FOCAD: variants seen among roughly 807,000 people sequenced by gnomAD.
The protein encoded by FOCAD is KIAA1797.
In FOCAD, 198 loss-of-function variants were observed where a neutral mutation model predicts 225.6. The ratio of observed to expected loss-of-function variants is 0.88; its 90% confidence interval spans 0.78 to 0.99. FOCAD has a LOEUF of 0.99. FOCAD is among the 50% of genes least tolerant of loss of function. The pLI is 0.00. For missense variants in FOCAD, 2,713 were observed against 2,123.6 expected, an observed-to-expected ratio of 1.28 and a Z score of -5.46; for synonymous variants, 897 against 755.0, an observed-to-expected ratio of 1.19 and a Z score of -3.08.
intron 1 of FOCAD, among the ~76,000 whole-genome samples, chr9:20,690,637 C>A (rs1342268441): frequency 6.6e-6 from 1 of 152,150 alleles, no homozygotes. Flanking sequence ...CAGCCTTGAA[C>A]TCCTGGGCTC....
At chr9:20,913,522 G>A (rs1833619973) in intron 23 of FOCAD, among the ~76,000 whole-genome samples, 1 of 152,150 alleles carries the variant, frequency 6.6e-6, no homozygotes, top group South Asian at 2.1e-4. Flanking sequence ...TCAGATTTGT[G>A]TTTCACCAGC....
rs970042431 is a variant in FOCAD at position 20,767,660 on chromosome 9, T to G, written c.700-2372T>G. On this transcript the variant is annotated intron_variant, in intron 7 of 43. Coordinates refer to ENST00000338382, the MANE Select transcript of FOCAD (RefSeq NM_001375567.1). ...GTCTGTTCATGTCCTTCGCCCACTTTTTGATGGGGTTGTTTGTTTTTTTCT... is the reference window on the plus strand; with the variant it reads ...GTCTGTTCATGTCCTTCGCCCACTTGTTGATGGGGTTGTTTGTTTTTTTCT... Among the ~76,000 whole-genome samples, 55 of 143,330 alleles carry G rather than the reference T, an allele frequency of 3.8e-4. 1 individual carries two copies. The highest frequency in any genetic ancestry group is 7.5e-4 in the Non-Finnish European group (48 of 64,092). The allele number at this position is 143,330 out of a possible 152,430, so 94.0% of individuals were successfully genotyped here. A position where few individuals can be genotyped will look rare whatever the true frequency, so the allele number is the denominator to read the frequency against.
At chr9:20,948,164 A>G (rs1837360150) in intron 30 of FOCAD, 107 bp from the exon 31 acceptor site, 9 of 1,074,228 alleles carry the variant, frequency 8.4e-6, no homozygotes, top group East Asian at 2.7e-5. Flanking sequence ...ACAGCTTGTC[A>G]TTAGGAAAGT....
At chr9:20,831,439 G>T (rs956778563) in intron 15 of FOCAD, among the ~76,000 whole-genome samples, 3 of 152,114 alleles carry the variant, frequency 2.0e-5, no homozygotes, top group Non-Finnish European at 4.4e-5. Flanking sequence ...GAGCCAGGCT[G>T]TGCAAGGCTT....
At chr9:20,872,749 G>T in intron 18 of FOCAD, 1 of 151,976 alleles carries the variant, frequency 6.6e-6, no homozygotes, top group East Asian at 1.9e-4. Flanking sequence ...TAATCACAGA[G>T]CAACCACAAT....
intron 16 of FOCAD, 157 bp downstream of exon 16, chr9:20,862,869 C>G: frequency 1.7e-6 from 1 of 581,856 alleles, no homozygotes; most frequent in Non-Finnish European, 2.7e-6. Flanking sequence ...AAGATAGCTC[C>G]TCATCAATCT....
intron 36 of FOCAD, 108 bp downstream of exon 36, chr9:20,976,656 A>G (rs1186670215): frequency 3.3e-6 from 4 of 1,204,822 alleles, no homozygotes; most frequent in African/African-American, 3.0e-5. Flanking sequence ...GACTTTTCAG[A>G]TCTTGAGGTT....
chr9:20,861,084 A>T (rs1470613534), intron 15 of FOCAD, among the ~76,000 whole-genome samples: 1 of 152,032 alleles, frequency 6.6e-6, no homozygotes, highest in East Asian at 1.9e-4. Context: ...TCATCTCTTG[A>T]TACCTTCCCT....
At chr9:20,931,050 C>G (rs1835419117) in intron 27 of FOCAD, among the ~76,000 whole-genome samples, 2 of 152,188 alleles carry the variant, frequency 1.3e-5, no homozygotes, top group Non-Finnish European at 2.9e-5. Flanking sequence ...TCATTTCATC[C>G]TATTCTGGCT....
In FOCAD at chr9:20,815,123, G is replaced by GGTTTTTT. The variant is rs796702774; in HGVS notation, c.1456-4673_1456-4672insGTTTTTT. ...TCTGGAAATATCATTACTTCTCTTT[G>GGTTTTTT]TTTTTTTTTTTTTGTTTTTTTTTTT... is the stretch of plus-strand genomic sequence containing the variant. On this transcript the variant is annotated intron_variant, in intron 11 of 43. Coordinates refer to ENST00000338382, the MANE Select transcript of FOCAD (RefSeq NM_001375567.1). 1.7e-3 allele frequency among the ~76,000 whole-genome samples: 148 copies of GGTTTTTT among 85,356 alleles called. 20 individuals carry two copies. Among genetic ancestry groups the GGTTTTTT allele is most frequent in the African/African-American group, 2.8e-3 (61 of 21,470 alleles). The allele number at this position is 85,356 out of a possible 152,430, so 56.0% of individuals were successfully genotyped here.
chr9:20,866,887 G>GTTTTTTT, intron 17 of FOCAD, 42 bp from the exon 18 acceptor site: 4 of 451,110 alleles, frequency 8.9e-6, no homozygotes, highest in South Asian at 3.3e-5. Context: ...TTGTTTGCTT[G>GTTTTTTT]CTTTTTTTTT....
intron 11 of FOCAD, among the ~76,000 whole-genome samples, chr9:20,817,197 A>G (rs1464129569): frequency 6.6e-6 from 1 of 152,210 alleles, no homozygotes; most frequent in Non-Finnish European, 1.5e-5. Flanking sequence ...AATTTAAAAA[A>G]CCATTAAAAT....
intron 5 of FOCAD, among the ~76,000 whole-genome samples, chr9:20,752,768 A>G (rs1390400519): frequency 1.3e-5 from 2 of 152,146 alleles, no homozygotes; most frequent in Non-Finnish European, 2.9e-5. Flanking sequence ...CATTTTCACG[A>G]TATTGATTCT....
At chr9:20,883,275 C>G (rs909033301) in intron 20 of FOCAD, among the ~76,000 whole-genome samples, 1 of 152,044 alleles carries the variant, frequency 6.6e-6, no homozygotes, top group African/African-American at 2.4e-5. Context: ...ATGAGTAGAA[C>G]TAAAAGAGGA....
intron 38 of FOCAD, 147 bp downstream of exon 38, chr9:20,981,833 GT>G: frequency 1.1e-6 from 1 of 941,222 alleles, no homozygotes; most frequent in Non-Finnish European, 1.6e-6. Flanking sequence ...GAGTGTATTT[GT>G]TTCCAAGATC....
intron 35 of FOCAD, among the ~76,000 whole-genome samples, chr9:20,966,083 C>T (rs922997478): frequency 6.6e-6 from 1 of 151,980 alleles, no homozygotes; most frequent in East Asian, 1.9e-4. Flanking sequence ...TATGGTAATT[C>T]TGCTTAACTT....
intron 28 of FOCAD, among the ~76,000 whole-genome samples, chr9:20,943,465 C>T (rs1836872445): frequency 6.6e-6 from 1 of 152,108 alleles, no homozygotes; most frequent in Non-Finnish European, 1.5e-5. Context: ...AAAAAAATCC[C>T]CTTGTATTGG....
At chr9:20,866,816 A>G (rs1217258116) in intron 17 of FOCAD, 113 bp from the exon 18 acceptor site, 1 of 611,900 alleles carries the variant, frequency 1.6e-6, no homozygotes, top group South Asian at 2.2e-5. Flanking sequence ...GAACTTTGGG[A>G]TTGGTGAGGG....
upstream of FOCAD, among the ~76,000 whole-genome samples, chr9:20,680,728 A>T (rs1822376866): frequency 6.6e-6 from 1 of 152,174 alleles, no homozygotes; most frequent in Non-Finnish European, 1.5e-5. Flanking sequence ...GCATTTTGGG[A>T]GGCCGAGGCG....
Sources: gnomAD v4.1 joint callset for allele counts (sites outside exome capture counted in the v4.1 genomes callset) on GRCh38, gnomAD v4.1.1 for gene constraint, MANE v1.5 for transcripts, NCBI Gene and HGNC (gene_info 2026-07-23, HGNC 2026-07-21) for gene names.